CFAP299: variants seen among roughly 807,000 people sequenced by gnomAD.
CFAP299 encodes cilia and flagella associated protein 299.
Under a neutral mutation model 27.0 loss-of-function variants are expected in CFAP299, and 21 were observed. The observed-to-expected ratio is 0.78, with a 90% confidence interval of 0.55 to 1.12. The LOEUF (loss-of-function observed/expected upper bound fraction) is 1.12, where lower values mean the gene tolerates loss of function less well. Among genes scored for constraint, CFAP299 ranks in the 50% most tolerant of loss-of-function variants. The pLI, the probability that CFAP299 is intolerant of heterozygous loss-of-function variation, is 0.00. For missense variants in CFAP299, 310 were observed against 276.6 expected (o/e 1.12, Z -0.86); for synonymous variants, 104 against 98.1 (o/e 1.06, Z -0.36).
At chr4:80,849,360 A>T (rs1025776957) in intron 3 of CFAP299, among the ~76,000 whole-genome samples, 7 of 152,182 alleles carry the variant, frequency 4.6e-5, no homozygotes, top group Non-Finnish European at 1.0e-4. Flanking sequence ...TATGGGGTAC[A>T]TGGATGTATT....
chr4:80,386,801 A>T, intron 2 of CFAP299: 1 of 1,068,306 alleles, frequency 9.4e-7, no homozygotes, highest in Admixed American at 1.7e-5. Context: ...GTGCGTCGAT[A>T]AAGGGCATTT....
chr4:80,687,372 C>G (rs1720273428), intron 3 of CFAP299, among the ~76,000 whole-genome samples: 1 of 152,036 alleles, frequency 6.6e-6, no homozygotes, highest in Non-Finnish European at 1.5e-5. Flanking sequence ...GTAAATGATC[C>G]ATCTTAATGT....
chr4:80,510,943 T>A (rs1732266818), intron 2 of CFAP299, among the ~76,000 whole-genome samples: 1 of 152,198 alleles, frequency 6.6e-6, no homozygotes, highest in South Asian at 2.1e-4. Flanking sequence ...AACTGATGAC[T>A]GGCCAACCTC....
chr4:80,863,219 A>G (rs1029358896), intron 3 of CFAP299, among the ~76,000 whole-genome samples: 1 of 130,544 alleles, frequency 7.7e-6, no homozygotes, highest in South Asian at 2.5e-4. Flanking sequence ...TTTTTTTTTA[A>G]GTGACTTTGG....
intron 2 of CFAP299, among the ~76,000 whole-genome samples, chr4:80,509,987 G>T (rs1478161986): frequency 6.6e-6 from 1 of 151,858 alleles, no homozygotes; most frequent in Non-Finnish European, 1.5e-5. Context: ...AGCAACCTGT[G>T]TCATTGCAGA....
chr4:80,880,076 T>C (rs1733615942), intron 4 of CFAP299, among the ~76,000 whole-genome samples: 2 of 139,248 alleles, frequency 1.4e-5, no homozygotes, highest in South Asian at 4.7e-4. Flanking sequence ...AAAATGAACA[T>C]AAAAAATGAA....
At chr4:80,670,554 G>A (rs1254257710) in intron 3 of CFAP299, among the ~76,000 whole-genome samples, 4 of 152,138 alleles carry the variant, frequency 2.6e-5, no homozygotes, top group Non-Finnish European at 5.9e-5. Flanking sequence ...GATCCTTGAG[G>A]AATAGCCATG....
intron 2 of CFAP299, among the ~76,000 whole-genome samples, chr4:80,427,073 C>A (rs1322731390): frequency 6.6e-6 from 1 of 152,104 alleles, no homozygotes; most frequent in Admixed American, 6.5e-5. Context: ...TTTCCAACAA[C>A]AGATGCTTTG....
chr4:80,417,657 C>T (rs1228492507), intron 2 of CFAP299, among the ~76,000 whole-genome samples: 2 of 152,226 alleles, frequency 1.3e-5, no homozygotes, highest in Non-Finnish European at 1.5e-5. Flanking sequence ...TGTTCTATTA[C>T]ACTTTATGCT....
At chr4:80,343,521 G>C (rs1722566629) in intron 1 of CFAP299, among the ~76,000 whole-genome samples, 1 of 152,150 alleles carries the variant, frequency 6.6e-6, no homozygotes, top group African/African-American at 2.4e-5. Flanking sequence ...TGGGCATGGT[G>C]GCTCACGCCT....
chr4:80,407,316 C>T (rs528576224), intron 2 of CFAP299, among the ~76,000 whole-genome samples: 4 of 152,288 alleles, frequency 2.6e-5, no homozygotes, highest in Admixed American at 1.3e-4. Context: ...ACCATTTATT[C>T]AGCTCACAAG....
intron 3 of CFAP299, among the ~76,000 whole-genome samples, chr4:80,811,872 A>G (rs1729171031): frequency 6.6e-6 from 1 of 152,078 alleles, no homozygotes; most frequent in Non-Finnish European, 1.5e-5. Context: ...TGGAGAGACA[A>G]GGAACTAAAC....
chr4:80,713,886 T>C (rs1242358552), intron 3 of CFAP299, among the ~76,000 whole-genome samples: 1 of 152,176 alleles, frequency 6.6e-6, no homozygotes, highest in Admixed American at 6.6e-5. Context: ...TTGCATTTGG[T>C]TCATAAAGAC....
intron 3 of CFAP299, among the ~76,000 whole-genome samples, chr4:80,643,083 G>C (rs1739813912): frequency 1.3e-5 from 2 of 151,980 alleles, no homozygotes; most frequent in African/African-American, 4.8e-5. Flanking sequence ...GATCGCTTGA[G>C]CCTAGGAGTT....
At chr4:80,895,258 G>T (rs75287146) in intron 4 of CFAP299, among the ~76,000 whole-genome samples, 1 of 151,614 alleles carries the variant, frequency 6.6e-6, no homozygotes, top group African/African-American at 2.4e-5. Context: ...ATCATTTCAC[G>T]TGTATACATA....
At chr4:80,926,841 T>C (rs1206826115) in intron 4 of CFAP299, among the ~76,000 whole-genome samples, 1 of 152,028 alleles carries the variant, frequency 6.6e-6, no homozygotes, top group Non-Finnish European at 1.5e-5. Context: ...ATATAAAACA[T>C]TGAACATTTT....
At chr4:80,445,224 CAT>C (rs1375699328) in intron 2 of CFAP299, among the ~76,000 whole-genome samples, 1 of 152,204 alleles carries the variant, frequency 6.6e-6, no homozygotes, top group Non-Finnish European at 1.5e-5. Context: ...CACATGCACA[CAT>C]ATGTTTATTG....
chr4:80,519,178 A>ATGTG (rs67077343), intron 2 of CFAP299, among the ~76,000 whole-genome samples: 1 of 150,402 alleles, frequency 6.6e-6, no homozygotes, highest in Non-Finnish European at 1.5e-5. Flanking sequence ...CTCTGTTAAT[A>ATGTG]TGTGTGTGTG....
intron 2 of CFAP299, among the ~76,000 whole-genome samples, chr4:80,459,650 A>G (rs1276439306): frequency 6.6e-6 from 1 of 152,124 alleles, no homozygotes; most frequent in Non-Finnish European, 1.5e-5. Flanking sequence ...TGCCACTAAC[A>G]ATATTAAACT....
Sources: gnomAD v4.1 joint callset for allele counts (sites outside exome capture counted in the v4.1 genomes callset) on GRCh38, gnomAD v4.1.1 for gene constraint, MANE v1.5 for transcripts, NCBI Gene and HGNC (gene_info 2026-07-23, HGNC 2026-07-21) for gene names.